Variants in CSMD3 observed in about 807,000 individuals in gnomAD.
The protein encoded by CSMD3 is CUB and sushi domain-containing protein 3.
A neutral mutation model predicts 435.2 loss-of-function variants in CSMD3; 177 were observed. The ratio of observed to expected loss-of-function variants is 0.41; its 90% CI spans 0.36 to 0.46. The LOEUF (loss-of-function observed/expected upper bound fraction) is 0.46. Ranked by LOEUF, CSMD3 falls within the 20% of genes least tolerant of loss-of-function variation. CSMD3 has a pLI of 0.34. For synonymous variants in CSMD3, 1,656 were observed against 1,520.5 expected, an observed-to-expected ratio of 1.09 and a Z score of -2.07; for missense variants, 4,265 against 4,504.6, an observed-to-expected ratio of 0.95 and a Z score of 1.52.
At position 112,410,606 on chromosome 8, in the gene CSMD3, A is replaced by ATATATATATATGTATATATATGTG. The variant is rs1563912810; in HGVS notation, c.5396-1575_5396-1574insCACATATATATACATATATATATA. Among the ~76,000 whole-genome samples the ATATATATATATGTATATATATGTG allele has an allele frequency of 1.3e-4, 7 of 53,086 alleles. 1 individual carries two copies. The highest frequency in any genetic ancestry group is 6.9e-4 in the African/African-American group (7 of 10,080). 34.8% of individuals were successfully genotyped at this position (53,086 alleles called of 152,430 possible). On this transcript the variant is annotated intron_variant, in intron 32 of 70. Transcript: ENST00000297405. ...CATACATATGTATATATATATGTGTATATATATATGTATATATATGTGTAT... is the reference window on the plus strand; with the variant it reads ...CATACATATGTATATATATATGTGTATATATATATATGTATATATATGTGTATATATATGTATATATATGTGTAT...
chr8:113,153,088 GAAAGAAAGAAAGA>G (rs370955390), intron 4 of CSMD3, among the ~76,000 whole-genome samples: 72 of 86,830 alleles, frequency 8.3e-4, no homozygotes, highest in South Asian at 3.4e-3. Flanking sequence ...AAGAAAGAAA[GAAAGAAAGAAAGA>G]AAAGAAAGAA....
chr8:112,371,972 T>C (rs1380965756), intron 38 of CSMD3, among the ~76,000 whole-genome samples: 2 of 150,842 alleles, frequency 1.3e-5, no homozygotes, highest in African/African-American at 4.9e-5. Context: ...GACAAATTAA[T>C]CTGCAGTGAA....
At chr8:113,377,556 T>G (rs906772367) in intron 1 of CSMD3, among the ~76,000 whole-genome samples, 1 of 152,210 alleles carries the variant, frequency 6.6e-6, no homozygotes, top group Non-Finnish European at 1.5e-5. Context: ...TGAGCTATAT[T>G]TTTAATCCAA....
chr8:112,740,361 C>CT (rs771583663), intron 13 of CSMD3, among the ~76,000 whole-genome samples: 2 of 141,626 alleles, frequency 1.4e-5, no homozygotes, highest in African/African-American at 2.5e-5. Context: ...AAGCTTTGAT[C>CT]TTTTTTGTGT....
At chr8:112,524,335 AGTAAAAAAAAAAAAGAAATAAAAATTAT>A (rs1390547366) in intron 27 of CSMD3, among the ~76,000 whole-genome samples, 1 of 151,650 alleles carries the variant, frequency 6.6e-6, no homozygotes, top group Non-Finnish European at 1.5e-5. Flanking sequence ...AGTATTAGTA[AGTAAAAAAAAAAAAGAAATAAAAATTAT>A]GTAAAAATGG....
chr8:113,049,171 A>T (rs2087972964), intron 5 of CSMD3, among the ~76,000 whole-genome samples: 1 of 152,110 alleles, frequency 6.6e-6, no homozygotes, highest in African/African-American at 2.4e-5. Context: ...CCTGGGAGGC[A>T]GAGGTTGCAG....
chr8:112,732,895 T>C lies in CSMD3; in HGVS notation c.1973-42845A>G, dbSNP rs370393897. 2.6e-4 allele frequency among the ~76,000 whole-genome samples: 39 copies of C among 152,186 alleles called. 1 individual carries two copies. Among genetic ancestry groups the C allele is most frequent in the African/African-American group, 8.4e-4 (35 of 41,552 alleles). ...ATTACCAGTGTAACCTAATATGTGG[T>C]TAATCACAACTACCAAACTTATATG... On this transcript the variant is annotated intron_variant, in intron 13 of 70. Transcript: ENST00000297405.
chr8:112,739,931 A>T (rs2077266360), intron 13 of CSMD3, among the ~76,000 whole-genome samples: 1 of 151,808 alleles, frequency 6.6e-6, no homozygotes. Context: ...CTCTCACATA[A>T]TTACATATTA....
At chr8:113,115,447 C>A (rs977948173) in intron 4 of CSMD3, among the ~76,000 whole-genome samples, 1 of 152,128 alleles carries the variant, frequency 6.6e-6, no homozygotes, top group African/African-American at 2.4e-5. Flanking sequence ...CCAAATACTC[C>A]CTCTCAGTCC....
At position 112,600,024 on chromosome 8, in the gene CSMD3, A is replaced by T. The variant is rs187115716; in HGVS notation, c.3716-12789T>A. ...CCCTAAAACTTAAAGTATATATATA[A>T]AAAAAAGGAATAGTACAGAGGTGGA... On this transcript the variant is annotated intron_variant, in intron 22 of 70. Transcript: ENST00000297405. 4.4e-3 allele frequency among the ~76,000 whole-genome samples: 669 copies of T among 152,010 alleles called. 6 individuals are homozygous for T. Among genetic ancestry groups the T allele is most frequent in the African/African-American group, 0.014 (585 of 41,508 alleles).
chr8:112,965,539 T>A (rs2084386546), intron 7 of CSMD3, among the ~76,000 whole-genome samples: 1 of 151,922 alleles, frequency 6.6e-6, no homozygotes, highest in African/African-American at 2.4e-5. Context: ...ACATCAGAAA[T>A]TCTTAAAATC....
chr8:113,208,766 A>G (rs1403829736), intron 3 of CSMD3, among the ~76,000 whole-genome samples: 2 of 152,028 alleles, frequency 1.3e-5, no homozygotes, highest in Non-Finnish European at 2.9e-5. Context: ...TATTTTGTCA[A>G]ATACCTTATA....
In CSMD3 at chr8:113,019,070, G is replaced by C. The variant is rs868150877; in HGVS notation, c.1027C>G (p.Gln343Glu). 1 of 1,592,536 alleles carries C rather than the reference G, an allele frequency of 6.3e-7. No homozygotes were observed. The highest frequency in any genetic ancestry group is 8.6e-7 in the Non-Finnish European group (1 of 1,160,592). ...HRYRGFSAPYQGSSTLTHTTS... is the reference protein window; with the variant it reads ...HRYRGFSAPYEGSSTLTHTTS... The stretch of plus-strand genomic sequence containing the variant: ...CAAAGGTATTCCATAAGTATACCTT[G>C]ATAGGGAGCACTAAATCCACGGTAT... Residue 343 changes from glutamine (Q) to glutamate (E), a missense_variant, in exon 6 of 71, where the codon CAA becomes GAA. Gln to Glu is a conservative substitution (Grantham distance 29, BLOSUM62 2). Transcript: ENST00000297405.
intron 27 of CSMD3, among the ~76,000 whole-genome samples, chr8:112,520,972 A>C (rs192969708): frequency 6.6e-6 from 1 of 152,124 alleles, no homozygotes; most frequent in East Asian, 1.9e-4. Flanking sequence ...AAAATGGAGA[A>C]GTTGGCCTTG....
At chr8:113,361,433 C>A (rs2094275620) in intron 1 of CSMD3, among the ~76,000 whole-genome samples, 2 of 152,010 alleles carry the variant, frequency 1.3e-5, no homozygotes, top group African/African-American at 2.4e-5. Flanking sequence ...ATATTCTTAA[C>A]AAAAGTATTT....
chr8:112,891,466 G>A (rs2081787939), intron 10 of CSMD3, among the ~76,000 whole-genome samples: 1 of 151,504 alleles, frequency 6.6e-6, no homozygotes, highest in African/African-American at 2.4e-5. Context: ...TAACTGGGCA[G>A]ATGTTTTTTG....
At chr8:112,991,582 T>C (rs1480522485) in intron 6 of CSMD3, among the ~76,000 whole-genome samples, 1 of 151,870 alleles carries the variant, frequency 6.6e-6, no homozygotes. Flanking sequence ...GAGTAAATTC[T>C]AGAATTTAAT....
At chr8:113,317,417 A>G (rs2093918544) in intron 1 of CSMD3, among the ~76,000 whole-genome samples, 2 of 152,184 alleles carry the variant, frequency 1.3e-5, no homozygotes, top group Admixed American at 1.3e-4. Context: ...AAAAGGACAT[A>G]TGTCTTAAAA....
intron 1 of CSMD3, among the ~76,000 whole-genome samples, chr8:113,435,748 C>T (rs1043502037): frequency 6.6e-6 from 1 of 152,138 alleles, no homozygotes; most frequent in Non-Finnish European, 1.5e-5. Context: ...GAGTCATAAA[C>T]ACCTCCTGAG....
Sources: allele counts gnomAD v4.1 joint callset (sites outside exome capture counted in the v4.1 genomes callset), GRCh38; gene constraint gnomAD v4.1.1; transcripts MANE v1.5; gene names NCBI Gene and HGNC (gene_info 2026-07-23, HGNC 2026-07-21).